The following RRP15 variants were observed in gnomAD, a reference collection of about 807,000 sequenced individuals.
RRP15 encodes ribosomal RNA processing 15 homolog.
A neutral mutation model predicts 27.1 loss-of-function variants in RRP15; 18 were observed. That is an observed-to-expected ratio of 0.66 (90% confidence interval 0.46 to 0.98). The LOEUF (loss-of-function observed/expected upper bound fraction) is 0.98, where lower values mean the gene tolerates loss of function less well. Ranked by LOEUF, RRP15 falls within the 50% of genes least tolerant of loss-of-function variation. The probability of loss-of-function intolerance (pLI) is 0.00; values close to 1 mark genes in which losing one functional copy is unlikely to be tolerated. For synonymous variants in RRP15, 107 were observed against 109.4 expected (o/e 0.98, Z 0.14); for missense variants, 359 against 337.8 (o/e 1.06, Z -0.49).
chr1:218,323,156 G>A (rs1289932070), intron 4 of RRP15, among the ~76,000 whole-genome samples: 2 of 152,230 alleles, frequency 1.3e-5, no homozygotes, highest in Non-Finnish European at 2.9e-5. Flanking sequence ...TTCCCGAAGG[G>A]CTGCAGCTCT....
chr1:218,292,468 T>C (rs1329914900), intron 1 of RRP15, among the ~76,000 whole-genome samples: 1 of 152,098 alleles, frequency 6.6e-6, no homozygotes, highest in African/African-American at 2.4e-5. Flanking sequence ...AGAACACCAG[T>C]TTACAATGAG....
chr1:218,310,852 G>A (rs545082231), intron 4 of RRP15, among the ~76,000 whole-genome samples: 6 of 152,054 alleles, frequency 3.9e-5, no homozygotes, highest in East Asian at 3.9e-4. Context: ...GGGTTCAAGC[G>A]ATTCTCCTGT....
In RRP15 at chr1:218,337,911, T is replaced by G. The variant is rs1656474258; in HGVS notation, c.*6820T>G. The G allele has an allele frequency of 6.6e-6, 1 of 152,126 alleles. No individual in the cohort carries two copies. 9.4% of individuals were successfully genotyped at this position (152,126 alleles called of 1,614,324 possible). A position where few individuals can be genotyped will look rare whatever the true frequency, so the allele number is the denominator to read the frequency against. ...TGCAATGAATGTTGAACATAAAAAA[T>G]TTGACTCCCTTTCCATGTGTCCACT... On this transcript the variant is annotated 3_prime_UTR_variant, in exon 5 of 5. Coordinates refer to ENST00000366932, the MANE Select transcript of RRP15 (RefSeq NM_016052.4).
intron 4 of RRP15, among the ~76,000 whole-genome samples, chr1:218,313,432 G>C (rs976324868): frequency 6.6e-6 from 1 of 152,086 alleles, no homozygotes; most frequent in African/African-American, 2.4e-5. Context: ...ATAACTCAGA[G>C]GTTTACAACT....
intron 4 of RRP15, among the ~76,000 whole-genome samples, chr1:218,322,859 A>G (rs1656208674): frequency 1.3e-5 from 2 of 152,100 alleles, no homozygotes; most frequent in Non-Finnish European, 2.9e-5. Context: ...GGCTCGTGCT[A>G]CCAGCCTGGA....
intron 4 of RRP15, among the ~76,000 whole-genome samples, chr1:218,318,913 A>T (rs928879644): frequency 1.3e-5 from 2 of 151,888 alleles, no homozygotes; most frequent in Admixed American, 1.3e-4. Context: ...CAGAATGGTG[A>T]TTTTCTCATT....
At chr1:218,298,649 T>C (rs1655759320) in intron 1 of RRP15, among the ~76,000 whole-genome samples, 1 of 152,214 alleles carries the variant, frequency 6.6e-6, no homozygotes, top group South Asian at 2.1e-4. Flanking sequence ...AAATGCGTTA[T>C]GACTACCTCA....
chr1:218,324,296 T>C (rs1656236389), intron 4 of RRP15, among the ~76,000 whole-genome samples: 2 of 152,154 alleles, frequency 1.3e-5, no homozygotes, highest in Non-Finnish European at 2.9e-5. Flanking sequence ...AACCCGACGC[T>C]CTGGGGGCTG....
chr1:218,307,488 G>T lies in RRP15; in HGVS notation c.561G>T (p.Lys187Asn). ...AACATCAAAAGAATGTTGATGAAAA[G>T]GTTAAGGAAGCTGGAAGTTCTATGA... ...VQKHQKNVDE[K>N]VKEAGSSMRK... Residue 187 changes from lysine to asparagine, a missense_variant, in exon 4 of 5, where the codon AAG (lysine) becomes AAT (asparagine). By Grantham distance (94) the Lys-to-Asn change is moderately conservative. Coordinates refer to ENST00000366932, the MANE Select transcript of RRP15 (RefSeq NM_016052.4). 1.2e-6 allele frequency: 2 copies of T among 1,613,984 alleles called. No homozygotes were observed. Among genetic ancestry groups the T allele is most frequent in the South Asian group, 1.1e-5 (1 of 91,084 alleles).
intron 4 of RRP15, among the ~76,000 whole-genome samples, chr1:218,324,496 C>T (rs1656240794): frequency 6.6e-6 from 1 of 152,216 alleles, no homozygotes; most frequent in Non-Finnish European, 1.5e-5. Context: ...GCCGCCACTG[C>T]TGCTTCCGCT....
Position 218,305,106 on chromosome 1 carries a change from C to T in RRP15, c.484C>T (p.Leu162Phe), listed in dbSNP as rs1442609034. Reference protein sequence around the residue: ...VVQDKETERNLQRIATRGVVQ... With the variant: ...VVQDKETERNFQRIATRGVVQ... ...CCAAGACAAAGAGACAGAGAGAAAT[C>T]TTCAGAGAATTGCAACAAGGTAAGG... The change falls in exon 3 of 5, where the codon CTT becomes TTT. Residue 162 changes from leucine (L) to phenylalanine (F), a missense_variant. Transcript: ENST00000366932. 1.2e-6 allele frequency: 2 copies of T among 1,613,138 alleles called. No homozygotes were observed. Among genetic ancestry groups the T allele is most frequent in the African/African-American group, 2.7e-5 (2 of 74,868 alleles).
chr1:218,322,482 C>CT (rs1432043621), intron 4 of RRP15, among the ~76,000 whole-genome samples: 7 of 148,840 alleles, frequency 4.7e-5, no homozygotes, highest in African/African-American at 1.7e-4. Flanking sequence ...GCTTGGGAAA[C>CT]TTAGGATTTG....
At chr1:218,314,980 G>A (rs1656063628) in intron 4 of RRP15, among the ~76,000 whole-genome samples, 1 of 144,036 alleles carries the variant, frequency 6.9e-6, no homozygotes, top group African/African-American at 2.6e-5. Flanking sequence ...GACAGAGAAA[G>A]GCTCCATCTC....
chr1:218,325,461 C>G (rs1656257591), intron 4 of RRP15, among the ~76,000 whole-genome samples: 1 of 152,200 alleles, frequency 6.6e-6, no homozygotes, highest in African/African-American at 2.4e-5. Flanking sequence ...TCAGTATTCA[C>G]ATTTCAATAA....
intron 4 of RRP15, among the ~76,000 whole-genome samples, chr1:218,324,182 C>A (rs1656234472): frequency 6.6e-6 from 1 of 152,120 alleles, no homozygotes; most frequent in Admixed American, 6.5e-5. Context: ...CGCTGTGATT[C>A]CCAGGAGCGG....
intron 4 of RRP15, among the ~76,000 whole-genome samples, chr1:218,329,712 C>T (rs1237101049): frequency 6.6e-6 from 1 of 151,926 alleles, no homozygotes; most frequent in Non-Finnish European, 1.5e-5. Context: ...CATTTATATC[C>T]CATTCAGTCT....
intron 1 of RRP15, among the ~76,000 whole-genome samples, chr1:218,298,048 T>G (rs1286115255): frequency 1.3e-5 from 2 of 152,160 alleles, no homozygotes; most frequent in Non-Finnish European, 2.9e-5. Flanking sequence ...TCCTATCCCT[T>G]TGGACATGCT....
chr1:218,330,268 T>A (rs538516102), intron 4 of RRP15, among the ~76,000 whole-genome samples: 120 of 152,310 alleles, frequency 7.9e-4, no homozygotes, highest in African/African-American at 2.6e-3. Context: ...AAGGCTGTAA[T>A]TAGTACCACA....
intron 4 of RRP15, among the ~76,000 whole-genome samples, chr1:218,325,332 C>T (rs1046728389): frequency 6.6e-6 from 1 of 152,166 alleles, no homozygotes; most frequent in Non-Finnish European, 1.5e-5. Flanking sequence ...TTTCTCTATC[C>T]CATGTTTTCT....
Sources: gnomAD v4.1 joint callset for allele counts (sites outside exome capture counted in the v4.1 genomes callset) on GRCh38, gnomAD v4.1.1 for gene constraint, MANE v1.5 for transcripts, NCBI Gene and HGNC (gene_info 2026-07-23, HGNC 2026-07-21) for gene names.